RSF1: variants seen among roughly 807,000 people sequenced by gnomAD.
RSF1 encodes HBV pX-associated protein 8.
RSF1 carries 13 observed loss-of-function variants against 145.2 expected under a neutral mutation model. The observed-to-expected ratio is 0.09, with a 90% CI of 0.06 to 0.14. RSF1 has a LOEUF of 0.14. Ranked by LOEUF, RSF1 falls within the 10% of genes least tolerant of loss-of-function variation. The pLI, the probability that RSF1 is intolerant of heterozygous loss-of-function variation, is 1.00. For synonymous variants in RSF1, 577 were observed against 592.6 expected, an observed-to-expected ratio of 0.97 and a Z score of 0.38; for missense variants, 1,517 against 1,718.2, an observed-to-expected ratio of 0.88 and a Z score of 2.07.
At chr11:77,744,503 C>T (rs1374131180) in intron 3 of RSF1, among the ~76,000 whole-genome samples, 1 of 152,082 alleles carries the variant, frequency 6.6e-6, no homozygotes, top group African/African-American at 2.4e-5. Flanking sequence ...AGTGATCTCG[C>T]TATGTTGCCC....
At chr11:77,839,990 C>T in the RSF1 span, among the ~76,000 whole-genome samples, 1 of 151,946 alleles carries the variant, frequency 6.6e-6, no homozygotes, top group South Asian at 2.1e-4. Flanking sequence ...ATGTTACATG[C>T]ATATAACAAT....
In RSF1 at chr11:77,802,396, G is replaced by A. The variant is rs372677850; in HGVS notation, c.187+18132C>T. 2.1e-4 allele frequency among the ~76,000 whole-genome samples: 32 copies of A among 152,254 alleles called. 1 individual carries two copies. The East Asian group carries it at 5.8e-3, about 28-fold the overall frequency. The stretch of plus-strand genomic sequence containing the variant: ...TGGTAACTCTAGGTAGTAAGTGTCA[G>A]AATCAAATTAAATTTTAATACACCC... On this transcript the variant is annotated intron_variant, in intron 1 of 15. Coordinates refer to ENST00000308488, the MANE Select transcript of RSF1 (RefSeq NM_016578.4).
chr11:77,795,871 A>AT (rs1329509945), intron 1 of RSF1, among the ~76,000 whole-genome samples: 1 of 152,164 alleles, frequency 6.6e-6, no homozygotes, highest in African/African-American at 2.4e-5. Flanking sequence ...TTAGCAGGCT[A>AT]TTAATCACTG....
intron 12 of RSF1, 134 bp from the exon 13 acceptor site, chr11:77,677,133 GT>G (rs1959729957): frequency 5.8e-6 from 4 of 692,280 alleles, no homozygotes; most frequent in Middle Eastern, 3.7e-4. Flanking sequence ...CAAATATGCA[GT>G]TTTCTTATGA....
chr11:77,851,693 C>T, the RSF1 span, among the ~76,000 whole-genome samples: 2 of 152,038 alleles, frequency 1.3e-5, no homozygotes, highest in African/African-American at 4.8e-5. Flanking sequence ...CAACCTTGCT[C>T]CTGCTTTCAT....
intron 1 of RSF1, among the ~76,000 whole-genome samples, chr11:77,818,778 CAAA>C: frequency 6.6e-6 from 1 of 151,514 alleles, no homozygotes; most frequent in Non-Finnish European, 1.5e-5. Context: ...GACTCCGTCT[CAAA>C]AAACAAATAA....
chr11:77,740,370 C>T (rs543089717), intron 4 of RSF1, among the ~76,000 whole-genome samples: 207 of 152,192 alleles, frequency 1.4e-3, no homozygotes, highest in African/African-American at 4.6e-3. Flanking sequence ...AGCGAAACTC[C>T]GTTTAAAAAA....
chr11:77,855,443 C>A, the RSF1 span: 3 of 177,020 alleles, frequency 1.7e-5, no homozygotes, highest in Non-Finnish European at 2.4e-5. Flanking sequence ...CCTCAGCCTC[C>A]CAAGTAGCTG....
intron 4 of RSF1, among the ~76,000 whole-genome samples, chr11:77,738,046 G>A (rs963004523): frequency 3.3e-5 from 5 of 152,152 alleles, no homozygotes; most frequent in Admixed American, 6.5e-5. Context: ...GAAGAATGGC[G>A]TGAACCCGGA....
At chr11:77,724,731 T>A (rs1015919632) in intron 5 of RSF1, among the ~76,000 whole-genome samples, 2 of 152,054 alleles carry the variant, frequency 1.3e-5, no homozygotes, top group Admixed American at 6.6e-5. Context: ...GCAACCTAGA[T>A]CCCTTGCATA....
intron 1 of RSF1, among the ~76,000 whole-genome samples, chr11:77,798,619 A>AAAAAAAC (rs1565184155): frequency 8.4e-6 from 1 of 119,398 alleles, no homozygotes; most frequent in African/African-American, 3.2e-5. Flanking sequence ...AAAAAAAAAA[A>AAAAAAAC]AAAGGCACAT....
intron 4 of RSF1, among the ~76,000 whole-genome samples, chr11:77,734,243 A>G (rs980659177): frequency 1.3e-5 from 2 of 152,038 alleles, no homozygotes; most frequent in Admixed American, 6.5e-5. Flanking sequence ...ATAATTATAT[A>G]TAAGTTAATT....
chr11:77,789,452 C>T (rs1208249245), intron 1 of RSF1, among the ~76,000 whole-genome samples: 6 of 152,188 alleles, frequency 3.9e-5, no homozygotes, highest in African/African-American at 7.2e-5. Flanking sequence ...GGACTACTGC[C>T]GCCGGGGCTG....
intron 1 of RSF1, among the ~76,000 whole-genome samples, chr11:77,803,272 C>A (rs1948644520): frequency 6.6e-6 from 1 of 152,042 alleles, no homozygotes; most frequent in African/African-American, 2.4e-5. Context: ...CTCAGTCCCC[C>A]AAGTAACCAG....
At chr11:77,745,150 CTGATT>C (rs1947986290) in intron 3 of RSF1, among the ~76,000 whole-genome samples, 1 of 152,032 alleles carries the variant, frequency 6.6e-6, no homozygotes, top group Admixed American at 6.6e-5. Flanking sequence ...ACTTTAATTT[CTGATT>C]TAAGTCTTCT....
At chr11:77,749,867 G>A (rs373594836) in intron 2 of RSF1, among the ~76,000 whole-genome samples, 1 of 152,194 alleles carries the variant, frequency 6.6e-6, no homozygotes, top group Non-Finnish European at 1.5e-5. Flanking sequence ...TCCTGCCTCA[G>A]CCTCCCGAGT....
the RSF1 span, among the ~76,000 whole-genome samples, chr11:77,871,573 AC>A: frequency 6.6e-6 from 1 of 152,240 alleles, no homozygotes; most frequent in Non-Finnish European, 1.5e-5. Context: ...GCTGCAGTGT[AC>A]ATACATGAGT....
intron 5 of RSF1, among the ~76,000 whole-genome samples, chr11:77,711,536 G>C (rs1468308528): frequency 2.0e-5 from 3 of 152,114 alleles, no homozygotes; most frequent in African/African-American, 7.2e-5. Context: ...GGGCGTGGTT[G>C]CAGGTGCCTG....
the RSF1 span, among the ~76,000 whole-genome samples, chr11:77,827,625 T>G: frequency 6.6e-6 from 1 of 152,234 alleles, no homozygotes; most frequent in Admixed American, 6.5e-5. Context: ...GGGAACTTTT[T>G]CAGCCTGATT....
Sources: gnomAD v4.1 joint callset for allele counts (sites outside exome capture counted in the v4.1 genomes callset) on GRCh38, gnomAD v4.1.1 for gene constraint, MANE v1.5 for transcripts, NCBI Gene and HGNC (gene_info 2026-07-23, HGNC 2026-07-21) for gene names.